The following ARHGAP6 variants were observed in gnomAD, a reference collection of about 807,000 sequenced individuals.
ARHGAP6 encodes rho GTPase-activating protein 6.
A neutral mutation model predicts 55.7 loss-of-function variants in ARHGAP6; 16 were observed. The ratio of observed to expected loss-of-function variants is 0.29; its 90% confidence interval spans 0.19 to 0.44. The LOEUF (loss-of-function observed/expected upper bound fraction) is 0.44. Among genes scored for constraint, ARHGAP6 ranks in the 20% least tolerant of loss-of-function variants. The probability of loss-of-function intolerance (pLI) is 1.00; values close to 1 mark genes in which losing one functional copy is unlikely to be tolerated. For missense variants in ARHGAP6, 698 were observed against 808.9 expected, an observed-to-expected ratio of 0.86 and a Z score of 1.66; for synonymous variants, 382 against 360.9, an observed-to-expected ratio of 1.06 and a Z score of -0.66.
chrX:11,612,103 G>T (rs756289895), intron 1 of ARHGAP6, among the ~76,000 whole-genome samples: 1 of 112,003 alleles, frequency 8.9e-6, no homozygotes, highest in Non-Finnish European at 1.9e-5. Flanking sequence ...CTGATAATGT[G>T]ATCTCAATCT....
In ARHGAP6 at chrX:11,254,214, GAC is replaced by G. The variant is rs2047462383; in HGVS notation, c.748+332_748+333del. On this transcript the variant is annotated intron_variant, in intron 2 of 12. Coordinates refer to ENST00000337414, the MANE Select transcript of ARHGAP6 (RefSeq NM_013427.3). ...GTTATTTTGAAACCAAACTGAGATA[GAC>G]ACAGCTTTTCTTCTGACCCTTTAAG... Among the ~76,000 whole-genome samples, 6 of 112,166 alleles carry G rather than the reference GAC, an allele frequency of 5.3e-5. 1 individual carries two copies. In the South Asian group the frequency reaches 1.9e-3, roughly 35 times the overall value.
chrX:11,390,791 G>A (rs181383394), intron 1 of ARHGAP6, among the ~76,000 whole-genome samples: 55 of 111,996 alleles, frequency 4.9e-4, no homozygotes, highest in African/African-American at 1.4e-3. Context: ...TTACAATGGC[G>A]ATCATTCAAA....
intron 1 of ARHGAP6, among the ~76,000 whole-genome samples, chrX:11,544,476 G>A (rs1352223451): frequency 8.9e-6 from 1 of 112,182 alleles, no homozygotes; most frequent in Admixed American, 9.5e-5. Context: ...AAACCCTAAA[G>A]GTTGGGTTAT....
At position 11,558,402 on chromosome X, in the gene ARHGAP6, ACTT is replaced by A. The variant is rs751800908; in HGVS notation, c.588+105836_588+105838del. ...AGGATGCAAATAAAAATCAAGTAAC[ACTT>A]CTTCTTGGCAAAGGAATGGGCTTAA... On this transcript the variant is annotated intron_variant, in intron 1 of 12. Coordinates refer to ENST00000337414, the MANE Select transcript of ARHGAP6 (RefSeq NM_013427.3). 1.9e-4 allele frequency among the ~76,000 whole-genome samples: 21 copies of A among 111,391 alleles called. No homozygotes were observed. In the South Asian group the frequency reaches 6.8e-3, roughly 36 times the overall value.
chrX:11,296,691 A>G, intron 1 of ARHGAP6: 1 of 1,017,971 alleles, frequency 9.8e-7, no homozygotes, highest in Non-Finnish European at 1.4e-6. Flanking sequence ...ACAATTGCAT[A>G]CTGACTTAAT....
chrX:11,294,238 T>C (rs1346827734), intron 1 of ARHGAP6, among the ~76,000 whole-genome samples: 1 of 111,049 alleles, frequency 9.0e-6, no homozygotes, highest in Non-Finnish European at 1.9e-5. Flanking sequence ...TTGCCTGAAG[T>C]TCTGTAGATA....
At chrX:11,272,909 G>C (rs761620867) in intron 1 of ARHGAP6, among the ~76,000 whole-genome samples, 1 of 111,850 alleles carries the variant, frequency 8.9e-6, no homozygotes, top group Admixed American at 9.5e-5. Flanking sequence ...CTCTCCTTCT[G>C]GCTGCCTGTG....
At chrX:11,434,530 T>C (rs752184840) in intron 1 of ARHGAP6, among the ~76,000 whole-genome samples, 1 of 110,553 alleles carries the variant, frequency 9.0e-6, no homozygotes, top group Non-Finnish European at 1.9e-5. Context: ...GTCACCCCCC[T>C]AAAAAAACCA....
At chrX:11,343,930 A>G (rs1051562396) in intron 1 of ARHGAP6, among the ~76,000 whole-genome samples, 2 of 112,187 alleles carry the variant, frequency 1.8e-5, no homozygotes, top group Admixed American at 1.9e-4. Context: ...TGCCTATCCC[A>G]GTATGGTTAT....
chrX:11,426,359 A>ATTT (rs35111887), intron 1 of ARHGAP6, among the ~76,000 whole-genome samples: 73 of 103,083 alleles, frequency 7.1e-4, no homozygotes, highest in African/African-American at 2.3e-3. Flanking sequence ...CAAAAAAACA[A>ATTT]TTTTTTTTTT....
intron 1 of ARHGAP6, among the ~76,000 whole-genome samples, chrX:11,491,795 T>A (rs1360813395): frequency 9.1e-6 from 1 of 110,271 alleles, no homozygotes; most frequent in Non-Finnish European, 1.9e-5. Flanking sequence ...CCACACTGAC[T>A]TCCACAAGGG....
In ARHGAP6 at chrX:11,296,785, C is replaced by T. The variant is rs776498485; in HGVS notation, c.589-42078G>A. The T allele has an allele frequency of 2.2e-4, 262 of 1,208,314 alleles. 1 individual carries two copies. The South Asian group carries it at 4.3e-3, about 20-fold the overall frequency. On this transcript the variant is annotated intron_variant, in intron 1 of 12. Coordinates refer to ENST00000337414, the MANE Select transcript of ARHGAP6 (RefSeq NM_013427.3). ...CCCCTCCTCCCTGTAAAAGCTACCA[C>T]CTCATCCTGGGCACCCTGGTTATAT...
intron 1 of ARHGAP6, among the ~76,000 whole-genome samples, chrX:11,562,522 A>G (rs1477124571): frequency 8.9e-6 from 1 of 112,053 alleles, no homozygotes; most frequent in East Asian, 2.8e-4. Flanking sequence ...AAATGAAAAT[A>G]ACTTTATCAT....
rs143323900 is a variant in ARHGAP6, at chrX:11,426,695, T to A, written c.589-171988A>T. On this transcript the variant is annotated intron_variant, in intron 1 of 12. Transcript: ENST00000337414. Reference sequence around the variant, plus strand: ...CATTTGAAATCTTCAGAAGTAGTAGTCATTCCTCAGAAACAACTTTCCTTT... The same window carrying A: ...CATTTGAAATCTTCAGAAGTAGTAGACATTCCTCAGAAACAACTTTCCTTT... 1.8e-3 allele frequency among the ~76,000 whole-genome samples: 197 copies of A among 110,645 alleles called. 1 individual carries two copies. Among genetic ancestry groups the A allele is most frequent in the Non-Finnish European group, 2.9e-3 (154 of 52,833 alleles).
At chrX:11,144,896 A>G (rs2045668487) in intron 10 of ARHGAP6, among the ~76,000 whole-genome samples, 1 of 112,388 alleles carries the variant, frequency 8.9e-6, no homozygotes, top group Non-Finnish European at 1.9e-5. Flanking sequence ...AATACATCTA[A>G]AATGATTCTA....
At position 11,390,535 on chromosome X, in the gene ARHGAP6, A is replaced by C. The variant is rs767521580; in HGVS notation, c.589-135828T>G. ...ATCAGAGTGAACAGGCAACCTACAA[A>C]ATGGGAGAAAATTTTTGCAATCTAC... On this transcript the variant is annotated intron_variant, in intron 1 of 12. Coordinates refer to ENST00000337414, the MANE Select transcript of ARHGAP6 (RefSeq NM_013427.3). Among the ~76,000 whole-genome samples, 862 of 111,216 alleles carry C rather than the reference A, an allele frequency of 7.8e-3. 13 individuals carry two copies. Among genetic ancestry groups the C allele is most frequent in the African/African-American group, 0.027 (822 of 30,571 alleles).
chrX:11,449,256 G>A, intron 1 of ARHGAP6, among the ~76,000 whole-genome samples: 1 of 111,741 alleles, frequency 8.9e-6, no homozygotes, highest in African/African-American at 3.3e-5. Context: ...GCTTTGGCCT[G>A]CCATCCCCAC....
chrX:11,610,136 A>G, intron 1 of ARHGAP6, among the ~76,000 whole-genome samples: 1 of 111,384 alleles, frequency 9.0e-6, no homozygotes, highest in South Asian at 3.8e-4. Flanking sequence ...CAGTAAAAAA[A>G]AAAAAAAAAA....
chrX:11,236,275 T>C (rs902183094), intron 2 of ARHGAP6, among the ~76,000 whole-genome samples: 1 of 111,597 alleles, frequency 9.0e-6, no homozygotes, highest in African/African-American at 3.3e-5. Flanking sequence ...ATGCCCCTTA[T>C]AAAACCATCA....
Sources: gnomAD v4.1 joint callset for allele counts (sites outside exome capture counted in the v4.1 genomes callset) on GRCh38, gnomAD v4.1.1 for gene constraint, MANE v1.5 for transcripts, NCBI Gene and HGNC (gene_info 2026-07-23, HGNC 2026-07-21) for gene names.